Variants in AGBL1 observed in about 807,000 individuals in gnomAD.
The protein encoded by AGBL1 is cytosolic carboxypeptidase 4.
A neutral mutation model predicts 118.9 loss-of-function variants in AGBL1; 130 were observed. That is an observed-to-expected ratio of 1.09 (90% CI 0.95 to 1.26). The LOEUF (loss-of-function observed/expected upper bound fraction) is 1.26. Ranked by LOEUF, AGBL1 falls within the 50% of genes most tolerant of loss-of-function variation. The pLI is 0.00. For synonymous variants in AGBL1, 555 were observed against 478.9 expected, an observed-to-expected ratio of 1.16 and a Z score of -2.08; for missense variants, 1,584 against 1,298.1, an observed-to-expected ratio of 1.22 and a Z score of -3.38.
intron 22 of AGBL1, among the ~76,000 whole-genome samples, chr15:86,710,268 T>C (rs1340373805): frequency 6.6e-6 from 1 of 152,174 alleles, no homozygotes; most frequent in Non-Finnish European, 1.5e-5. Context: ...ATGGATTGCA[T>C]GTTGGGGTGA....
chr15:86,847,998 C>T (rs1008868563), intron 22 of AGBL1, among the ~76,000 whole-genome samples: 9 of 152,158 alleles, frequency 5.9e-5, no homozygotes, highest in African/African-American at 2.2e-4. Flanking sequence ...GACAGAGATA[C>T]CTATAAACAC....
rs577900170 is a variant in AGBL1, at chr15:86,563,241, G to A, written c.2994+8704G>A. Among the ~76,000 whole-genome samples the A allele has an allele frequency of 2.7e-3, 416 of 152,182 alleles. 1 individual carries two copies. Among genetic ancestry groups the A allele is most frequent in the African/African-American group, 9.3e-3 (387 of 41,516 alleles). ...GTTCTTTCAATTGTGATGTTAGGGTGTCAGTTTTAGATCTTTCCTGCTTTC... is the reference window on the plus strand; with the variant it reads ...GTTCTTTCAATTGTGATGTTAGGGTATCAGTTTTAGATCTTTCCTGCTTTC... On this transcript the variant is annotated intron_variant, in intron 21 of 22. Transcript: ENST00000614907.
At chr15:86,441,329 T>C (rs140173242) in intron 18 of AGBL1, among the ~76,000 whole-genome samples, 1 of 152,198 alleles carries the variant, frequency 6.6e-6, no homozygotes, top group Non-Finnish European at 1.5e-5. Flanking sequence ...GTTTTTCCTT[T>C]GGAACCAAAA....
chr15:87,007,210 G>C (rs193089042), intron 24 of AGBL1, among the ~76,000 whole-genome samples: 5 of 152,166 alleles, frequency 3.3e-5, no homozygotes, highest in Admixed American at 6.5e-5. Context: ...GAAATGTTTT[G>C]CATCAAGACC....
intron 21 of AGBL1, among the ~76,000 whole-genome samples, chr15:86,649,516 C>T (rs574136860): frequency 6.6e-6 from 1 of 152,230 alleles, no homozygotes; most frequent in Admixed American, 6.5e-5. Context: ...GTGTTTTTCC[C>T]TACCTATATT....
chr15:86,565,171 C>T lies in AGBL1; in HGVS notation c.2994+10634C>T, dbSNP rs547971156. ...CTGTCCAGCTTTGTTCCATTGCTGG[C>T]GAGGAGCTGCGTTCCTTTGGAGGGG... On this transcript the variant is annotated intron_variant, in intron 21 of 22. Coordinates refer to ENST00000614907, the MANE Select transcript of AGBL1 (RefSeq NM_001386094.1). Among the ~76,000 whole-genome samples the T allele has an allele frequency of 1.1e-4, 17 of 152,312 alleles. No individual in the cohort carries two copies. In the East Asian group the frequency reaches 1.5e-3, roughly 14 times the overall value.
intron 23 of AGBL1, among the ~76,000 whole-genome samples, chr15:86,950,130 C>A (rs2080864444): frequency 6.6e-6 from 1 of 151,838 alleles, no homozygotes; most frequent in Non-Finnish European, 1.5e-5. Flanking sequence ...TCTGTTAAGC[C>A]TGTTTAGAGG....
Position 86,247,765 on chromosome 15 carries a change from C to T in AGBL1, c.621C>T (p.Tyr207=), listed in dbSNP as rs544493920. Residue 207 remains tyrosine, a synonymous_variant, in exon 7 of 23, where the codon TAC becomes TAT. Coordinates refer to ENST00000614907, the MANE Select transcript of AGBL1 (RefSeq NM_001386094.1). ...ACAGCCATGACACAGCCAACGCCTA[C>T]GTGCAGATCCGACGGGGCTTGCTGC... The part of the protein sequence containing the change: ...DWHSHDTANA[Y]VQIRRGLLLC... 53 of 1,613,958 alleles carry T rather than the reference C, an allele frequency of 3.3e-5. No homozygotes were observed. The highest frequency in any genetic ancestry group is 1.1e-4 in the East Asian group (5 of 44,876).
chr15:86,634,027 C>T (rs1247402942), intron 21 of AGBL1, among the ~76,000 whole-genome samples: 1 of 151,628 alleles, frequency 6.6e-6, no homozygotes, highest in African/African-American at 2.4e-5. Flanking sequence ...CACTTCACAC[C>T]CATTAAAATG....
In AGBL1 at chr15:86,211,251, GC is replaced by G. The variant is rs376470595; in HGVS notation, c.489-13659del. Among the ~76,000 whole-genome samples the G allele has an allele frequency of 4.3e-4, 66 of 152,266 alleles. No homozygotes were observed. The East Asian group carries it at 8.5e-3, about 20-fold the overall frequency. Reference sequence around the variant, plus strand: ...ACCCACCTATATGAGGTGTCAGTTGGCCCCTACTGGGAGGTGTCTCCCAGTT... The same window carrying G: ...ACCCACCTATATGAGGTGTCAGTTGGCCCTACTGGGAGGTGTCTCCCAGTT... On this transcript the variant is annotated intron_variant, in intron 5 of 22. Coordinates refer to ENST00000614907, the MANE Select transcript of AGBL1 (RefSeq NM_001386094.1).
At position 86,907,124 on chromosome 15, in the gene AGBL1, G is replaced by A. The variant is rs559668353; in HGVS notation, c.3196G>A (p.Glu1066Lys). 6.6e-6 allele frequency: 1 copy of A among 152,442 alleles called. No individual in the cohort carries two copies. The highest frequency in any genetic ancestry group is 2.1e-4 in the South Asian group (1 of 4,814). 9.4% of individuals were successfully genotyped at this position (152,442 alleles called of 1,614,324 possible). A position where few individuals can be genotyped will look rare whatever the true frequency, so the allele number is the denominator to read the frequency against. The change falls in exon 23 of 23, where the codon GAG becomes AAG. Residue 1066 changes from glutamate (E) to lysine (K), a missense_variant. Coordinates refer to ENST00000614907, the MANE Select transcript of AGBL1 (RefSeq NM_001386094.1). The part of the protein sequence containing the change: ...SSSGSVPSEL[E>K]DEPACLEEID... ...CAGTGGCAGCGTCCCTTCGGAACTG[G>A]AGGATGAACCTGCCTGCTTGGAGGA...
intron 22 of AGBL1, among the ~76,000 whole-genome samples, chr15:86,699,240 AT>A (rs1199941961): frequency 2.6e-5 from 4 of 151,996 alleles, no homozygotes; most frequent in East Asian, 1.9e-4. Flanking sequence ...ATACCCAGTC[AT>A]TTTTTTCCAA....
chr15:86,462,404 C>T (rs1443058864), intron 18 of AGBL1, among the ~76,000 whole-genome samples: 2 of 152,058 alleles, frequency 1.3e-5, no homozygotes, highest in Non-Finnish European at 2.9e-5. Context: ...GACCCGTTTC[C>T]TCTGCTGCAT....
At chr15:86,937,432 T>C (rs2080690057) in intron 23 of AGBL1, among the ~76,000 whole-genome samples, 1 of 152,256 alleles carries the variant, frequency 6.6e-6, no homozygotes, top group East Asian at 1.9e-4. Flanking sequence ...ACTGGATAAG[T>C]GTAATACATA....
In AGBL1 at chr15:86,397,451, C is replaced by T. The variant is rs1390153975; in HGVS notation, c.2460C>T (p.Phe820=). 6.2e-7 allele frequency: 1 copy of T among 1,612,998 alleles called. No individual in the cohort carries two copies. Among genetic ancestry groups the T allele is most frequent in the Non-Finnish European group, 8.5e-7 (1 of 1,179,382 alleles). ...GGGTGATGAAGGGTACCTTGGAGTT[C>T]CTGGTCAGCAGTGACCCTGTGGCTA... The part of the protein sequence containing the change: ...ASWVMKGTLE[F]LVSSDPVARL... Residue 820 remains phenylalanine (F), a synonymous_variant, in exon 18 of 23, where the codon TTC becomes TTT. Transcript: ENST00000614907.
At chr15:86,720,400 C>T (rs550481831) in intron 22 of AGBL1, among the ~76,000 whole-genome samples, 3 of 152,196 alleles carry the variant, frequency 2.0e-5, no homozygotes, top group Non-Finnish European at 4.4e-5. Context: ...GAATAACCAA[C>T]TTATTTTTGT....
chr15:86,135,486 T>G (rs2076877206), intron 1 of AGBL1, among the ~76,000 whole-genome samples: 1 of 152,234 alleles, frequency 6.6e-6, no homozygotes. Context: ...AAAATTGAGC[T>G]GTGCACCTTG....
rs115542367 is a variant in AGBL1, at chr15:86,218,369, G to C, written c.489-6545G>C. ...GACGTCTGGGGAGGGTCAAGTCTTG[G>C]TGAAGTGAATGTTAGGTTGCTGGTA... On this transcript the variant is annotated intron_variant, in intron 5 of 22. Transcript: ENST00000614907. 8.1e-3 allele frequency among the ~76,000 whole-genome samples: 1,239 copies of C among 152,266 alleles called. 17 individuals are homozygous for C. Among genetic ancestry groups the C allele is most frequent in the African/African-American group, 0.028 (1,182 of 41,546 alleles).
chr15:86,643,021 G>A (rs796305601), intron 21 of AGBL1, among the ~76,000 whole-genome samples: 1 of 152,136 alleles, frequency 6.6e-6, no homozygotes, highest in Non-Finnish European at 1.5e-5. Context: ...CAATGACTTG[G>A]TTTCTTTTTA....
Sources: allele counts gnomAD v4.1 joint callset (sites outside exome capture counted in the v4.1 genomes callset), GRCh38; gene constraint gnomAD v4.1.1; transcripts MANE v1.5; gene names NCBI Gene and HGNC (gene_info 2026-07-23, HGNC 2026-07-21).